The following INO80 variants were observed in gnomAD, a reference collection of about 807,000 sequenced individuals.
INO80 encodes the protein INO80 complex ATPase subunit, also known as chromatin-remodeling ATPase INO80.
INO80 carries 20 observed loss-of-function variants against 203.4 expected under a neutral mutation model. The ratio of observed to expected loss-of-function variants is 0.10; its 90% CI spans 0.07 to 0.14. INO80 has a LOEUF of 0.14. INO80 is among the 10% of genes least tolerant of loss of function. The pLI, the probability that INO80 is intolerant of heterozygous loss-of-function variation, is 1.00. For missense variants in INO80, 1,419 were observed against 1,914.4 expected, an observed-to-expected ratio of 0.74 and a Z score of 4.83; for synonymous variants, 726 against 685.2, an observed-to-expected ratio of 1.06 and a Z score of -0.93.
chr15:41,020,078 A>C (rs926804432), intron 26 of INO80, among the ~76,000 whole-genome samples: 59 of 152,052 alleles, frequency 3.9e-4, no homozygotes, highest in African/African-American at 1.4e-3. Flanking sequence ...AAAATTAGCC[A>C]GGCGTGGTGG....
intron 25 of INO80, among the ~76,000 whole-genome samples, chr15:41,022,463 G>C (rs2044309198): frequency 6.6e-6 from 1 of 151,544 alleles, no homozygotes. Context: ...GAAGAACTGA[G>C]GGAGGGGCCA....
rs1244432572 is a variant in INO80, at chr15:40,987,857, T to C, written c.3688A>G (p.Ile1230Val). 1.2e-6 allele frequency: 2 copies of C among 1,614,214 alleles called. No individual in the cohort carries two copies. The highest frequency in any genetic ancestry group is 1.7e-6 in the Non-Finnish European group (2 of 1,180,018). The change falls in exon 30 of 36, where the codon ATT (isoleucine) becomes GTT (valine). Residue 1230 changes from isoleucine (I) to valine (V), a missense_variant. Around this residue, in one of 9 missense-constraint regions of INO80, gnomAD observed 65 missense variants for 186.7 expected, o/e 0.35. Coordinates refer to ENST00000648947, the MANE Select transcript of INO80 (RefSeq NM_017553.3). ...GCTCTTTGCAGAATGCGTTCTTCAA[T>C]GGTGCCTTTACAGATGAGCCGGTAC... Reference protein sequence around the residue: ...TVYRLICKGTIEERILQRAKE... With the variant: ...TVYRLICKGTVEERILQRAKE...
Position 40,983,023 on chromosome 15 carries a change from C to A in INO80, c.4292G>T (p.Arg1431Leu), listed in dbSNP as rs139929718. 159 of 1,613,918 alleles carry A rather than the reference C, an allele frequency of 9.9e-5. 1 individual carries two copies. In the Admixed American group the frequency reaches 1.1e-3, roughly 11 times the overall value. ...GCTTCCTGAACCTTTGGGGCGGCCT[C>A]GGCTTCGGGCTGAGTGACCACGTCC... ...AAGRGHSARS[R>L]GRPKGSGSTA... is the part of the protein sequence containing the mutation. The change falls in exon 35 of 36, where the codon CGA becomes CTA. Residue 1431 changes from arginine to leucine, a missense_variant. Arg to Leu is a moderately radical substitution (Grantham distance 102, BLOSUM62 -2). Transcript: ENST00000648947.
At chr15:41,042,246 T>A (rs1262327439) in intron 24 of INO80, among the ~76,000 whole-genome samples, 2 of 151,934 alleles carry the variant, frequency 1.3e-5, no homozygotes, top group African/African-American at 2.4e-5. Flanking sequence ...ATTCCTAACC[T>A]CAAGGGATCC....
chr15:41,053,671 G>A (rs1453182515), intron 19 of INO80, among the ~76,000 whole-genome samples: 1 of 152,132 alleles, frequency 6.6e-6, no homozygotes, highest in East Asian at 1.9e-4. Flanking sequence ...ACGGAACAAT[G>A]GGTCAAGGGG....
chr15:40,985,780 G>A (rs1437090709), intron 31 of INO80, among the ~76,000 whole-genome samples: 2 of 152,090 alleles, frequency 1.3e-5, no homozygotes, highest in Non-Finnish European at 1.5e-5. Context: ...ACAGTGGTAC[G>A]CGCCTGGGTC....
chr15:40,993,523 G>A (rs1323556481), intron 29 of INO80, among the ~76,000 whole-genome samples: 3 of 151,922 alleles, frequency 2.0e-5, no homozygotes, highest in Non-Finnish European at 2.9e-5. Flanking sequence ...TTTGGGAGGC[G>A]GAGGCAGGCA....
At chr15:41,082,362 G>C (rs1456979968) in intron 7 of INO80, among the ~76,000 whole-genome samples, 2 of 151,784 alleles carry the variant, frequency 1.3e-5, no homozygotes, top group African/African-American at 4.8e-5. Context: ...CCAGGAGTTC[G>C]AGACTAGCCT....
At chr15:41,059,740 C>A in intron 15 of INO80, 127 bp downstream of exon 15, 2 of 573,724 alleles carry the variant, frequency 3.5e-6, no homozygotes, top group Non-Finnish European at 3.0e-6. Context: ...AAAATGGAAA[C>A]TTGATCAGTG....
chr15:41,079,021 A>G (rs2045445143), intron 9 of INO80, among the ~76,000 whole-genome samples: 1 of 152,194 alleles, frequency 6.6e-6, no homozygotes, highest in South Asian at 2.1e-4. Flanking sequence ...GGGTGCCTAT[A>G]GTCCCAGCTA....
chr15:41,101,636 GC>G (rs2045809153), intron 1 of INO80, among the ~76,000 whole-genome samples: 1 of 150,046 alleles, frequency 6.7e-6, no homozygotes. Flanking sequence ...TGCAAGCTCC[GC>G]CTCCCAGGTT....
chr15:41,023,176 T>A, intron 25 of INO80: 1 of 393,678 alleles, frequency 2.5e-6, no homozygotes, highest in Non-Finnish European at 5.1e-6. Context: ...TTCCCACTAA[T>A]ACATGAGCAT....
chr15:40,981,050 C>G (rs1018013891), intron 35 of INO80, among the ~76,000 whole-genome samples: 1 of 152,170 alleles, frequency 6.6e-6, no homozygotes, highest in Non-Finnish European at 1.5e-5. Context: ...TTCCCTTTTT[C>G]CTACATAAGC....
intron 32 of INO80, 32 bp from the exon 33 acceptor site, chr15:40,984,384 G>A (rs751829400): frequency 9.4e-6 from 15 of 1,601,408 alleles, no homozygotes; most frequent in Non-Finnish European, 1.3e-5. Context: ...TGGAAAACGT[G>A]TGAGGATGCA....
intron 29 of INO80, among the ~76,000 whole-genome samples, chr15:40,997,227 A>G (rs2043892015): frequency 6.6e-6 from 1 of 152,012 alleles, no homozygotes; most frequent in African/African-American, 2.4e-5. Flanking sequence ...ACAGTGACCC[A>G]TGATCATGCC....
intron 2 of INO80, 115 bp downstream of exon 2, chr15:41,096,053 G>T: frequency 1.4e-6 from 2 of 1,409,642 alleles, no homozygotes; most frequent in Non-Finnish European, 1.9e-6. Flanking sequence ...ATTTGAAAGA[G>T]GCAAAAGAAA....
intron 14 of INO80, among the ~76,000 whole-genome samples, chr15:41,063,548 C>T (rs1160238906): frequency 3.9e-5 from 6 of 151,984 alleles, no homozygotes; most frequent in Non-Finnish European, 7.4e-5. Flanking sequence ...CTGAGGCAGG[C>T]GGATCACTTG....
intron 11 of INO80, among the ~76,000 whole-genome samples, 181 bp downstream of exon 11, chr15:41,073,246 TA>T (rs1428209879): frequency 6.6e-6 from 1 of 152,124 alleles, no homozygotes; most frequent in Non-Finnish European, 1.5e-5. Context: ...GTATCCCTAC[TA>T]ATCTAAAGTG....
At chr15:41,038,100 C>T (rs1014348281) in intron 24 of INO80, among the ~76,000 whole-genome samples, 8 of 131,484 alleles carry the variant, frequency 6.1e-5, no homozygotes, top group Admixed American at 1.8e-4. Flanking sequence ...CTGCAACCTT[C>T]GTCTCCCGTT....
Sources: allele counts gnomAD v4.1 joint callset (sites outside exome capture counted in the v4.1 genomes callset), GRCh38; gene constraint gnomAD v4.1.1; regional missense constraint gnomAD v4.1.1; transcripts MANE v1.5; gene names NCBI Gene and HGNC (gene_info 2026-07-23, HGNC 2026-07-21).